WWTR1: variants seen among roughly 807,000 people sequenced by gnomAD.
WWTR1 encodes the protein WW domain containing transcription regulator 1, also known as WW domain-containing transcription regulator protein 1.
In WWTR1, 13 loss-of-function variants were observed where a neutral mutation model predicts 40.1. The observed-to-expected ratio is 0.32, with a 90% CI of 0.21 to 0.52. The LOEUF (loss-of-function observed/expected upper bound fraction) is 0.52, where lower values mean the gene tolerates loss of function less well. Ranked by LOEUF, WWTR1 falls within the 20% of genes least tolerant of loss-of-function variation. The pLI is 0.97. For synonymous variants in WWTR1, 230 were observed against 210.1 expected (o/e 1.09, Z -0.82); for missense variants, 436 against 523.1 (o/e 0.83, Z 1.63).
chr3:149,711,419 C>T (rs1246692234), intron 5 of WWTR1, among the ~76,000 whole-genome samples: 1 of 152,084 alleles, frequency 6.6e-6, no homozygotes, highest in Non-Finnish European at 1.5e-5. Context: ...TTATTATTAA[C>T]ACAACTTGTC....
intron 5 of WWTR1, among the ~76,000 whole-genome samples, chr3:149,711,357 T>A (rs1397635129): frequency 6.6e-6 from 1 of 152,160 alleles, no homozygotes; most frequent in East Asian, 1.9e-4. Context: ...GATCTTGATA[T>A]AATAGTCAAA....
intron 2 of WWTR1, among the ~76,000 whole-genome samples, chr3:149,600,069 A>G (rs1739176604): frequency 6.6e-6 from 1 of 152,254 alleles, no homozygotes; most frequent in African/African-American, 2.4e-5. Context: ...GAGATGATTT[A>G]AAGTATAAGA....
At chr3:149,638,791 G>T (rs2108122411) in intron 2 of WWTR1, among the ~76,000 whole-genome samples, 1 of 152,308 alleles carries the variant, frequency 6.6e-6, no homozygotes, top group African/African-American at 2.4e-5. Context: ...CTCTTGTCCT[G>T]TAATAACCCC....
chr3:149,708,862 A>G (rs1220425195), intron 5 of WWTR1, among the ~76,000 whole-genome samples: 2 of 152,094 alleles, frequency 1.3e-5, no homozygotes, highest in Non-Finnish European at 2.9e-5. Flanking sequence ...CTGTAGTTCT[A>G]TTTTTAATTT....
intron 6 of WWTR1, among the ~76,000 whole-genome samples, chr3:149,525,408 T>C (rs954564110): frequency 6.6e-6 from 1 of 151,636 alleles, no homozygotes; most frequent in Non-Finnish European, 1.5e-5. Context: ...GGTGTCTTGA[T>C]GCAATTGTGA....
intron 3 of WWTR1, among the ~76,000 whole-genome samples, chr3:149,562,898 C>A (rs1386008266): frequency 1.3e-5 from 2 of 152,018 alleles, no homozygotes; most frequent in Non-Finnish European, 2.9e-5. Context: ...GATGATCACA[C>A]ACAGGCGGGA....
At chr3:149,706,376 T>A (rs1576648009), upstream of WWTR1, among the ~76,000 whole-genome samples, 1 of 152,250 alleles carries the variant, frequency 6.6e-6, no homozygotes, top group East Asian at 1.9e-4. Flanking sequence ...TGGAGTGCAA[T>A]GGCGTGATCT....
chr3:149,588,851 C>T (rs1738562092), intron 2 of WWTR1, among the ~76,000 whole-genome samples: 1 of 151,438 alleles, frequency 6.6e-6, no homozygotes, highest in Non-Finnish European at 1.5e-5. Flanking sequence ...GACTGAAAAT[C>T]TTGTCTCTGC....
chr3:149,686,926 A>G (rs1714675222), intron 1 of WWTR1, among the ~76,000 whole-genome samples: 1 of 152,172 alleles, frequency 6.6e-6, no homozygotes, highest in Admixed American at 6.5e-5. Flanking sequence ...TAGCTCTACA[A>G]TGCCTTTCTT....
intron 4 of WWTR1, among the ~76,000 whole-genome samples, chr3:149,540,853 A>G (rs1736062336): frequency 6.6e-6 from 1 of 152,208 alleles, no homozygotes; most frequent in Non-Finnish European, 1.5e-5. Flanking sequence ...TTCAAAGACT[A>G]TATCTGAGAA....
chr3:149,659,350 T>TTTTTTTTTTTTTTTA (rs1713462576), upstream of WWTR1: 1 of 148,488 alleles, frequency 6.7e-6, no homozygotes, highest in Non-Finnish European at 1.5e-5. Context: ...TTTTTTTTTT[T>TTTTTTTTTTTTTTTA]GAGTGACGTC....
At chr3:149,680,627 A>T (rs1441243447) in intron 1 of WWTR1, among the ~76,000 whole-genome samples, 3 of 151,982 alleles carry the variant, frequency 2.0e-5, no homozygotes, top group African/African-American at 7.3e-5. Context: ...TGAGGCCAGG[A>T]GTTTGAGACC....
intron 1 of WWTR1, among the ~76,000 whole-genome samples, chr3:149,697,474 C>T (rs1715032669): frequency 1.3e-5 from 2 of 152,234 alleles, no homozygotes; most frequent in African/African-American, 4.8e-5. Flanking sequence ...ATTCCATGTT[C>T]ATGGACTGGA....
At chr3:149,530,220 A>G (rs1009258988) in intron 4 of WWTR1, among the ~76,000 whole-genome samples, 8 of 152,030 alleles carry the variant, frequency 5.3e-5, no homozygotes, top group Non-Finnish European at 1.2e-4. Flanking sequence ...GGTGGCATGC[A>G]CCTGTGGTCC....
At chr3:149,685,196 T>C (rs1274659024) in intron 1 of WWTR1, among the ~76,000 whole-genome samples, 1 of 152,200 alleles carries the variant, frequency 6.6e-6, no homozygotes, top group African/African-American at 2.4e-5. Flanking sequence ...GGACAAAGAA[T>C]GGGCACCTGA....
intron 2 of WWTR1, among the ~76,000 whole-genome samples, chr3:149,592,729 C>T (rs1215977240): frequency 6.6e-6 from 1 of 152,164 alleles, no homozygotes; most frequent in African/African-American, 2.4e-5. Flanking sequence ...TAATCGTCCG[C>T]TGTATTTTAA....
chr3:149,573,596 A>G (rs553598078), intron 2 of WWTR1, among the ~76,000 whole-genome samples: 1 of 152,350 alleles, frequency 6.6e-6, no homozygotes, highest in Admixed American at 6.5e-5. Context: ...GCAAGGTGAC[A>G]ATAGGGTAGC....
chr3:149,656,625 T>C (rs1713217430), intron 2 of WWTR1, among the ~76,000 whole-genome samples: 1 of 152,120 alleles, frequency 6.6e-6, no homozygotes. Context: ...CCTGTGTGTT[T>C]TATGGTGGAT....
chr3:149,628,869 G>C (rs1329485692), intron 2 of WWTR1, among the ~76,000 whole-genome samples: 1 of 151,476 alleles, frequency 6.6e-6, no homozygotes, highest in Non-Finnish European at 1.5e-5. Flanking sequence ...GACCTCCCAG[G>C]CTCATGTGAT....
Sources: gnomAD v4.1 joint callset for allele counts (sites outside exome capture counted in the v4.1 genomes callset) on GRCh38, gnomAD v4.1.1 for gene constraint, MANE v1.5 for transcripts, NCBI Gene and HGNC (gene_info 2026-07-23, HGNC 2026-07-21) for gene names.